KATNIP: variants seen among roughly 807,000 people sequenced by gnomAD.
The protein encoded by KATNIP is katanin interacting protein, also known as katanin-interacting protein.
In KATNIP, 126 loss-of-function variants were observed where a neutral mutation model predicts 174.0. The ratio of observed to expected loss-of-function variants is 0.72; its 90% CI spans 0.63 to 0.84. The LOEUF is 0.84. Among genes scored for constraint, KATNIP ranks in the 40% least tolerant of loss-of-function variants. KATNIP has a pLI of 0.00. For synonymous variants in KATNIP, 810 were observed against 835.7 expected (o/e 0.97, Z 0.53); for missense variants, 1,958 against 2,109.7 (o/e 0.93, Z 1.41).
At chr16:27,606,804 G>A (rs764326668) in intron 2 of KATNIP, among the ~76,000 whole-genome samples, 6 of 151,608 alleles carry the variant, frequency 4.0e-5, no homozygotes, top group Non-Finnish European at 5.9e-5. Context: ...GGGCTCAAGC[G>A]ATCCTCCCAC....
At chr16:27,609,174 G>C (rs951170741) in intron 2 of KATNIP, among the ~76,000 whole-genome samples, 1 of 152,000 alleles carries the variant, frequency 6.6e-6, no homozygotes, top group Non-Finnish European at 1.5e-5. Context: ...GAACAAACTA[G>C]ACAAAGCTCT....
Position 27,751,708 on chromosome 16 carries a change from T to C in KATNIP, c.3347-11T>C, listed in dbSNP as rs1330555049. ...TGAGTTGACCTTTCTGTCATCTTGA[T>C]AACCCATTAGCCCCAGAGCACTTTG... On this transcript the variant is annotated splice_polypyrimidine_tract_variant and intron_variant, in intron 16 of 27. Transcript: ENST00000261588. The C allele has an allele frequency of 1.2e-6, 2 of 1,613,768 alleles. No individual in the cohort carries two copies. The highest frequency in any genetic ancestry group is 1.7e-6 in the Non-Finnish European group (2 of 1,179,630).
intron 3 of KATNIP, among the ~76,000 whole-genome samples, chr16:27,625,410 G>A (rs1395356433): frequency 6.6e-6 from 1 of 152,212 alleles, no homozygotes; most frequent in African/African-American, 2.4e-5. Flanking sequence ...ACTCTGCCCC[G>A]CCACAGGCCT....
At chr16:27,550,324 T>A in intron 1 of KATNIP, 147 bp downstream of exon 1, 1 of 901,740 alleles carries the variant, frequency 1.1e-6, no homozygotes, top group South Asian at 1.7e-5. Flanking sequence ...TAGGGAGGCT[T>A]AGTGGTCTGG....
intron 8 of KATNIP, chr16:27,685,377 C>T (rs1204955205): frequency 6.6e-6 from 1 of 151,844 alleles, no homozygotes. Context: ...GGCAACAGAT[C>T]GAGACTCTGT....
At position 27,699,571 on chromosome 16, in the gene KATNIP, T is replaced by C; in HGVS notation, c.1151T>C (p.Leu384Pro). 1.2e-6 allele frequency: 2 copies of C among 1,614,206 alleles called. No individual in the cohort carries two copies. Among genetic ancestry groups the C allele is most frequent in the Non-Finnish European group, 1.7e-6 (2 of 1,180,042 alleles). The change falls in exon 10 of 28, where the codon CTG becomes CCG. Residue 384 changes from leucine (L) to proline (P), a missense_variant. Leu to Pro is a moderately conservative substitution (Grantham distance 98). Coordinates refer to ENST00000261588, the MANE Select transcript of KATNIP (RefSeq NM_015202.5). ...CCACCAGCAAAACCATGGACCAGTC[T>C]GCTGGAGGAGAAGGAAGAGACCCTT... ...EGPPAKPWTS[L>P]LEEKEETLEL...
intron 19 of KATNIP, among the ~76,000 whole-genome samples, chr16:27,765,703 C>T (rs1002762879): frequency 6.6e-6 from 1 of 152,142 alleles, no homozygotes; most frequent in South Asian, 2.1e-4. Context: ...ACCTCCATAC[C>T]CTCTGACCCA....
chr16:27,681,617 T>C, intron 8 of KATNIP, 87 bp downstream of exon 8: 1 of 1,486,220 alleles, frequency 6.7e-7, no homozygotes, highest in Admixed American at 1.7e-5. Context: ...CCGCACTTCA[T>C]TACCCTCCTT....
At chr16:27,689,367 C>T (rs2078634194) in intron 8 of KATNIP, among the ~76,000 whole-genome samples, 1 of 151,556 alleles carries the variant, frequency 6.6e-6, no homozygotes, top group South Asian at 2.1e-4. Flanking sequence ...AGTGAGATCA[C>T]GCCACTGGAC....
chr16:27,657,225 T>C (rs1309247018), intron 6 of KATNIP, among the ~76,000 whole-genome samples: 2 of 151,932 alleles, frequency 1.3e-5, no homozygotes, highest in African/African-American at 2.4e-5. Context: ...TGTGTACATA[T>C]TGAGAAGGAA....
chr16:27,686,016 A>C (rs2078510657), intron 8 of KATNIP, among the ~76,000 whole-genome samples: 1 of 152,216 alleles, frequency 6.6e-6, no homozygotes, highest in Non-Finnish European at 1.5e-5. Flanking sequence ...TGTGGGAAAA[A>C]TCACAGCTTC....
intron 14 of KATNIP, among the ~76,000 whole-genome samples, chr16:27,731,487 G>A (rs898105348): frequency 6.6e-6 from 1 of 152,214 alleles, no homozygotes; most frequent in Admixed American, 6.5e-5. Flanking sequence ...AGTCCTATGA[G>A]ACAGGTACTG....
Position 27,740,880 on chromosome 16 carries a change from T to C in KATNIP, c.2583T>C (p.Ala861=), listed in dbSNP as rs1473400531. The C allele has an allele frequency of 1.2e-6, 2 of 1,606,610 alleles. No individual in the cohort carries two copies. The highest frequency in any genetic ancestry group is 1.7e-5 in the Admixed American group (1 of 58,528). ...ASGRRGSRKD[A]GSSSHGDDQP... is the part of the protein sequence containing the mutation. ...GGAGGAGGGGCTCAAGGAAGGATGC[T>C]GGCAGCAGTAGTCATGGGGACGACC... The change falls in exon 15 of 28, where the codon GCT becomes GCC. Residue 861 remains alanine (A), a synonymous_variant. Transcript: ENST00000261588.
chr16:27,738,928 A>G (rs1048756581), intron 14 of KATNIP, among the ~76,000 whole-genome samples: 8 of 152,186 alleles, frequency 5.3e-5, no homozygotes, highest in East Asian at 1.9e-4. Context: ...TTCAACAAGC[A>G]GTGGATAAAT....
chr16:27,721,443 C>A, intron 13 of KATNIP, 115 bp from the exon 14 acceptor site: 1 of 1,273,238 alleles, frequency 7.9e-7, no homozygotes, highest in Non-Finnish European at 1.1e-6. Flanking sequence ...GGCTGTCTGC[C>A]CTGAGCCCTC....
At chr16:27,733,564 GACAC>G (rs10558929) in intron 14 of KATNIP, among the ~76,000 whole-genome samples, 6,291 of 142,976 alleles carry the variant, frequency 0.044, 181 homozygotes, top group African/African-American at 0.084. Flanking sequence ...AAACAAGAAG[GACAC>G]ACACACACAC....
intron 3 of KATNIP, among the ~76,000 whole-genome samples, chr16:27,621,282 C>CT (rs2076186667): frequency 6.6e-6 from 1 of 150,438 alleles, no homozygotes; most frequent in South Asian, 2.1e-4. Context: ...GACACTGTCT[C>CT]TAAAAAAAAA....
At chr16:27,568,114 G>A (rs1326051326) in intron 1 of KATNIP, among the ~76,000 whole-genome samples, 1 of 152,026 alleles carries the variant, frequency 6.6e-6, no homozygotes, top group Non-Finnish European at 1.5e-5. Context: ...TAGAGAAAAG[G>A]TTACATGCAA....
At chr16:27,712,500 G>T (rs1292178064) in intron 13 of KATNIP, among the ~76,000 whole-genome samples, 4 of 152,174 alleles carry the variant, frequency 2.6e-5, no homozygotes, top group Non-Finnish European at 5.9e-5. Flanking sequence ...CAGGCCATGC[G>T]CATGGCTGAT....
Sources: gnomAD v4.1 joint callset for allele counts (sites outside exome capture counted in the v4.1 genomes callset) on GRCh38, gnomAD v4.1.1 for gene constraint, MANE v1.5 for transcripts, NCBI Gene and HGNC (gene_info 2026-07-23, HGNC 2026-07-21) for gene names.